The following PRKG1 variants were observed in gnomAD, a reference collection of about 807,000 sequenced individuals.
The protein encoded by PRKG1 is cGMP-dependent protein kinase 1.
A neutral mutation model predicts 88.1 loss-of-function variants in PRKG1; 35 were observed. The observed-to-expected ratio is 0.40, with a 90% CI of 0.30 to 0.53. PRKG1 has a LOEUF of 0.53. Among genes scored for constraint, PRKG1 ranks in the 20% least tolerant of loss-of-function variants. PRKG1 has a pLI of 0.59. For synonymous variants in PRKG1, 303 were observed against 292.5 expected (o/e 1.04, Z -0.37); for missense variants, 540 against 839.8 (o/e 0.64, Z 4.41).
chr10:51,408,273 C>G (rs1169935483), intron 2 of PRKG1, among the ~76,000 whole-genome samples: 2 of 152,226 alleles, frequency 1.3e-5, no homozygotes, highest in African/African-American at 4.8e-5. Context: ...AAGGCCATTC[C>G]ACCATTCTAT....
intron 2 of PRKG1, among the ~76,000 whole-genome samples, chr10:51,254,966 TAGTC>T (rs1234349436): frequency 1.3e-5 from 2 of 152,076 alleles, no homozygotes; most frequent in Admixed American, 6.6e-5. Flanking sequence ...TCGATTTTGT[TAGTC>T]AGAATTAGAG....
At chr10:51,927,438 G>A (rs1270232148) in intron 5 of PRKG1, among the ~76,000 whole-genome samples, 1 of 152,040 alleles carries the variant, frequency 6.6e-6, no homozygotes, top group Non-Finnish European at 1.5e-5. Context: ...CCCAGTCTTG[G>A]GTATGTCTTT....
intron 2 of PRKG1, among the ~76,000 whole-genome samples, chr10:51,218,740 GAAAC>G (rs1838444875): frequency 6.6e-6 from 1 of 151,420 alleles, no homozygotes; most frequent in Non-Finnish European, 1.5e-5. Context: ...ATTATTTCTA[GAAAC>G]AAACAAAAAA....
chr10:51,992,911 G>T (rs2133131788), intron 5 of PRKG1, among the ~76,000 whole-genome samples: 1 of 152,202 alleles, frequency 6.6e-6, no homozygotes, highest in East Asian at 1.9e-4. Flanking sequence ...GTTTTACATT[G>T]ATTTTGCCAG....
At chr10:51,786,701 T>C (rs1369895795) in intron 3 of PRKG1, among the ~76,000 whole-genome samples, 1 of 152,198 alleles carries the variant, frequency 6.6e-6, no homozygotes, top group East Asian at 1.9e-4. Flanking sequence ...CTCACTGTCA[T>C]AGCTATATTA....
intron 3 of PRKG1, among the ~76,000 whole-genome samples, chr10:51,479,395 C>T (rs1211979378): frequency 1.3e-5 from 2 of 152,118 alleles, no homozygotes; most frequent in African/African-American, 4.8e-5. Context: ...CATACCACTT[C>T]GCTTTTTAAT....
upstream of PRKG1, among the ~76,000 whole-genome samples, chr10:51,069,978 T>G (rs1353844596): frequency 6.6e-6 from 1 of 152,120 alleles, no homozygotes; most frequent in Non-Finnish European, 1.5e-5. Context: ...AAGGAACTTT[T>G]TGAAAACCTT....
In PRKG1 at chr10:51,410,270, A is replaced by G. The variant is rs7097478; in HGVS notation, c.479-57453A>G. Among the ~76,000 whole-genome samples the G allele has an allele frequency of 7.3e-4, 107 of 146,880 alleles. No homozygotes were observed. The South Asian group carries it at 0.01, about 14-fold the overall frequency. On this transcript the variant is annotated intron_variant, in intron 2 of 17. Coordinates refer to ENST00000373980, the MANE Select transcript of PRKG1 (RefSeq NM_006258.4). ...TGTGTGTGTGTGTGTATATATATAT[A>G]TGTGTGTGTGTGTGTGTGTGTAGTA...
chr10:52,294,081 T>G lies in PRKG1; in HGVS notation c.*181T>G. The G allele has an allele frequency of 4.1e-6, 2 of 484,256 alleles. No homozygotes were observed. The highest frequency in any genetic ancestry group is 7.3e-6 in the Non-Finnish European group (2 of 274,720). The allele number at this position is 484,256 out of a possible 1,614,324, so 30.0% of individuals were successfully genotyped here. ...ACCGCTTAGATGACAATAGTGCTCT[T>G]TACATGTTTTCTGTTTGAACCTAAA... On this transcript the variant is annotated 3_prime_UTR_variant, in exon 18 of 18. Coordinates refer to ENST00000373980, the MANE Select transcript of PRKG1 (RefSeq NM_006258.4).
intron 2 of PRKG1, among the ~76,000 whole-genome samples, chr10:51,298,734 G>A (rs1466303621): frequency 2.6e-5 from 4 of 152,164 alleles, no homozygotes; most frequent in African/African-American, 9.7e-5. Context: ...AAAATTGTTA[G>A]GTTGGAGTAT....
chr10:51,023,953 A>G (rs1843169972), intron 1 of PRKG1, among the ~76,000 whole-genome samples: 1 of 152,194 alleles, frequency 6.6e-6, no homozygotes. Flanking sequence ...TAAGCATTCT[A>G]TTTTGAATAG....
At chr10:51,653,692 A>T (rs1589163901) in intron 3 of PRKG1, among the ~76,000 whole-genome samples, 1 of 151,768 alleles carries the variant, frequency 6.6e-6, no homozygotes. Context: ...TCAGCCTCCC[A>T]AGTAGCTGGG....
rs111293890 is a variant in PRKG1 at position 51,709,955 on chromosome 10, G to C, written c.593-94630G>C. On this transcript the variant is annotated intron_variant, in intron 3 of 17. Coordinates refer to ENST00000373980, the MANE Select transcript of PRKG1 (RefSeq NM_006258.4). ...CAATGCTTTAGGATACTAAAGCTAG[G>C]ATACTCATTATTCAACTAAATGTTG... is the stretch of plus-strand genomic sequence containing the variant. 3.9e-5 allele frequency among the ~76,000 whole-genome samples: 6 copies of C among 152,128 alleles called. No homozygotes were observed. In the East Asian group the frequency reaches 1.2e-3, roughly 29 times the overall value.
intron 2 of PRKG1, among the ~76,000 whole-genome samples, chr10:51,438,075 C>T (rs191721771): frequency 6.6e-6 from 1 of 151,674 alleles, no homozygotes; most frequent in East Asian, 1.9e-4. Flanking sequence ...AGACCTACTA[C>T]AATGAGAATT....
At chr10:52,220,268 A>G (rs1247264088) in intron 9 of PRKG1, among the ~76,000 whole-genome samples, 1 of 152,122 alleles carries the variant, frequency 6.6e-6, no homozygotes, top group Non-Finnish European at 1.5e-5. Context: ...GAAGACACTT[A>G]GGCAAATTAA....
intron 2 of PRKG1, among the ~76,000 whole-genome samples, chr10:51,177,725 C>T (rs1429826495): frequency 3.3e-5 from 5 of 151,722 alleles, no homozygotes; most frequent in Non-Finnish European, 1.5e-5. Flanking sequence ...GACATTAATT[C>T]CTGATGTATA....
chr10:51,796,188 G>T lies in PRKG1; in HGVS notation c.593-8397G>T, dbSNP rs529294333. On this transcript the variant is annotated intron_variant, in intron 3 of 17. Transcript: ENST00000373980. ...CCAAGGAACAAAAGAAATGTGTAAA[G>T]AAATGATTATCTGTTATGAGTGTTG... 7.3e-4 allele frequency among the ~76,000 whole-genome samples: 111 copies of T among 152,150 alleles called. 1 individual carries two copies. The highest frequency in any genetic ancestry group is 3.0e-3 in the Admixed American group (46 of 15,254).
At chr10:51,939,338 T>C (rs1842857872) in intron 5 of PRKG1, among the ~76,000 whole-genome samples, 1 of 152,008 alleles carries the variant, frequency 6.6e-6, no homozygotes. Flanking sequence ...TTCTGCCTTG[T>C]TGTGATTGGT....
chr10:52,062,623 C>T lies in PRKG1; in HGVS notation c.927C>T (p.Ala309=). The part of the protein sequence containing the change: ...LGKGDWFGEK[A]LQGEDVRTAN... ...AAGGAGACTGGTTTGGAGAGAAAGCCTTGCAGGGGTAAGTAGATCATGTGT... is the reference window on the plus strand; with the variant it reads ...AAGGAGACTGGTTTGGAGAGAAAGCTTTGCAGGGGTAAGTAGATCATGTGT... The change falls in exon 7 of 18, where the codon GCC becomes GCT. Residue 309 remains alanine (A), a synonymous_variant. Coordinates refer to ENST00000373980, the MANE Select transcript of PRKG1 (RefSeq NM_006258.4). 1 of 1,598,158 alleles carries T rather than the reference C, an allele frequency of 6.3e-7. No individual in the cohort carries two copies. The highest frequency in any genetic ancestry group is 8.5e-7 in the Non-Finnish European group (1 of 1,170,836).
Sources: gnomAD v4.1 joint callset for allele counts (sites outside exome capture counted in the v4.1 genomes callset) on GRCh38, gnomAD v4.1.1 for gene constraint, MANE v1.5 for transcripts, NCBI Gene and HGNC (gene_info 2026-07-23, HGNC 2026-07-21) for gene names.